The following MMAB variants were observed in gnomAD, a reference collection of about 807,000 sequenced individuals.
MMAB encodes metabolism of cobalamin associated B, also known as corrinoid adenosyltransferase MMAB.
In MMAB, 17 loss-of-function variants were observed where a neutral mutation model predicts 30.6. The ratio of observed to expected loss-of-function variants is 0.56; its 90% confidence interval spans 0.38 to 0.83. The LOEUF (loss-of-function observed/expected upper bound fraction) is 0.83, where lower values mean the gene tolerates loss of function less well. MMAB is among the 40% of genes least tolerant of loss of function. The pLI, the probability that MMAB is intolerant of heterozygous loss-of-function variation, is 0.00. For missense variants in MMAB, 311 were observed against 331.6 expected, an observed-to-expected ratio of 0.94 and a Z score of 0.48; for synonymous variants, 134 against 138.6, an observed-to-expected ratio of 0.97 and a Z score of 0.23.
chr12:109,569,697 G>A lies in MMAB; in HGVS notation c.197-834C>T, dbSNP rs1029249742. Among the ~76,000 whole-genome samples, 18 of 152,262 alleles carry A rather than the reference G, an allele frequency of 1.2e-4. No homozygotes were observed. Among genetic ancestry groups the A allele is most frequent in the South Asian group, 2.1e-4 (1 of 4,824 alleles). ...GCAGGCTTTGGGGTTGCCAGGTGCC[G>A]GCCTGGCACTCACAGGTAGACTGTG... is the stretch of plus-strand genomic sequence containing the variant. On this transcript the variant is annotated intron_variant, in intron 2 of 8. Transcript: ENST00000545712. This position sits in a 1 kb window ranked among gnomAD's most constrained non-coding sequence, Gnocchi z 4.1.
At chr12:109,571,549 G>A (rs1884626456) in intron 2 of MMAB, 100 bp downstream of exon 2, 2 of 1,130,242 alleles carry the variant, frequency 1.8e-6, no homozygotes, top group South Asian at 2.5e-5. Flanking sequence ...ACCGCGCCTG[G>A]TATATTATAC....
Position 109,565,167 on chromosome 12 carries a change from C to T in MMAB, c.300G>A (p.Leu100=), listed in dbSNP as rs1312153590. 1 of 1,613,740 alleles carries T rather than the reference C, an allele frequency of 6.2e-7. No homozygotes were observed. The highest frequency in any genetic ancestry group is 1.7e-5 in the Admixed American group (1 of 60,008). The change falls in exon 4 of 9, where the codon CTG becomes CTA. Residue 100 remains leucine, a synonymous_variant. Transcript: ENST00000545712. The stretch of plus-strand genomic sequence containing the variant: ...TATGGCCCTTTTCTGTGACTAATTC[C>T]AGAGCAAACCTATGAAGAAAAAGGA... The part of the protein sequence containing the change: ...DELSSAIGFA[L]ELVTEKGHTF...
At position 109,561,224 on chromosome 12, in the gene MMAB, C is replaced by T; in HGVS notation, c.520-120G>A. On this transcript the variant is annotated intron_variant, in intron 6 of 8. Coordinates refer to ENST00000545712, the MANE Select transcript of MMAB (RefSeq NM_052845.4). This position sits in a 1 kb window ranked among gnomAD's most constrained non-coding sequence, Gnocchi z 5.3. ...CGGGCAGTGTTCTGCCTCCAGGAGCCCTGCCACGGCACACCCACCGGGCAC... is the reference window on the plus strand; with the variant it reads ...CGGGCAGTGTTCTGCCTCCAGGAGCTCTGCCACGGCACACCCACCGGGCAC... The T allele has an allele frequency of 1.9e-6, 3 of 1,595,578 alleles. No individual in the cohort carries two copies. Among genetic ancestry groups the T allele is most frequent in the Non-Finnish European group, 2.5e-6 (3 of 1,178,060 alleles).
chr12:109,571,847 T>C (rs1394980213), intron 1 of MMAB, 137 bp from the exon 2 acceptor site: 1 of 738,310 alleles, frequency 1.4e-6, no homozygotes, highest in South Asian at 1.5e-5. Flanking sequence ...GGTCATCTCT[T>C]GTTGATTTCT....
rs1884046941 is a variant in MMAB at position 109,558,198 on chromosome 12, G to A, written c.644+898C>T. Among the ~76,000 whole-genome samples, 1 of 152,170 alleles carries A rather than the reference G, an allele frequency of 6.6e-6. No homozygotes were observed. Among genetic ancestry groups the A allele is most frequent in the East Asian group, 1.9e-4 (1 of 5,174 alleles). Reference sequence around the variant, plus strand: ...GGCCGCATGCTCCTGGAGGGCAGTGGTGTGCCTGTTGCTTGTTGGCTCTGT... The same window carrying A: ...GGCCGCATGCTCCTGGAGGGCAGTGATGTGCCTGTTGCTTGTTGGCTCTGT... On this transcript the variant is annotated intron_variant, in intron 8 of 8. Transcript: ENST00000545712. This position sits in a 1 kb window ranked among gnomAD's most constrained non-coding sequence, Gnocchi z 4.3.
At position 109,557,154 on chromosome 12, in the gene MMAB, G is replaced by C. The variant is rs1253074102; in HGVS notation, c.645-18C>G. The C allele has an allele frequency of 6.5e-7, 1 of 1,531,668 alleles. No homozygotes were observed. Among genetic ancestry groups the C allele is most frequent in the East Asian group, 2.2e-5 (1 of 44,514 alleles). The allele number at this position is 1,531,668 out of a possible 1,614,324, so 94.9% of individuals were successfully genotyped here. On this transcript the variant is annotated intron_variant, in intron 8 of 8. Transcript: ENST00000545712. Reference sequence around the variant, plus strand: ...CACTGAGTCTGGAGGGGCAGAGAGAGAGAAGCAAACAGAATGGTTTGAAAT... The same window carrying C: ...CACTGAGTCTGGAGGGGCAGAGAGACAGAAGCAAACAGAATGGTTTGAAAT...
intron 4 of MMAB, among the ~76,000 whole-genome samples, chr12:109,564,334 T>C (rs1172141879): frequency 1.3e-5 from 2 of 151,462 alleles, no homozygotes; most frequent in Non-Finnish European, 2.9e-5. Context: ...CACTCGCCTG[T>C]GAAGGAAGAT....
chr12:109,560,940 T>G, intron 7 of MMAB, 100 bp downstream of exon 7: 1 of 1,126,890 alleles, frequency 8.9e-7, no homozygotes. Context: ...GAGGCCCCTC[T>G]CCCTCTCCCC....
At chr12:109,566,486 C>T (rs552036809) in intron 3 of MMAB, among the ~76,000 whole-genome samples, 2 of 152,220 alleles carry the variant, frequency 1.3e-5, no homozygotes, top group Non-Finnish European at 2.9e-5. Context: ...TCCATCATAG[C>T]GGATGCCCCA....
chr12:109,555,975 C>A lies in MMAB; in HGVS notation c.*1053G>T. 6.6e-6 allele frequency: 3 copies of A among 454,022 alleles called. No individual in the cohort carries two copies. The highest frequency in any genetic ancestry group is 1.3e-5 in the Non-Finnish European group (3 of 226,732). 28.1% of individuals were successfully genotyped at this position (454,022 alleles called of 1,614,324 possible). Reference sequence around the variant, plus strand: ...GAATGGAGTTCGCCAGGCATTTCAGCCCTGAAACTGGACAAGAGCCTGCCC... The same window carrying A: ...GAATGGAGTTCGCCAGGCATTTCAGACCTGAAACTGGACAAGAGCCTGCCC... On this transcript the variant is annotated 3_prime_UTR_variant, in exon 9 of 9. Transcript: ENST00000545712.
chr12:109,568,043 A>G (rs1188521374), intron 3 of MMAB: 1 of 152,378 alleles, frequency 6.6e-6, no homozygotes, highest in Non-Finnish European at 1.5e-5. Context: ...GGGTAGTGGG[A>G]AAAGTTTTCA....
chr12:109,570,113 A>G, intron 2 of MMAB: 1 of 330,846 alleles, frequency 3.0e-6, no homozygotes, highest in South Asian at 2.2e-5. Flanking sequence ...AACAGAAAAA[A>G]TTAGTTGGGC....
intron 1 of MMAB, among the ~76,000 whole-genome samples, chr12:109,572,920 A>G (rs1394910710): frequency 6.6e-6 from 1 of 152,252 alleles, no homozygotes; most frequent in Non-Finnish European, 1.5e-5. Context: ...TCGAAGGTTA[A>G]TTTCCTGGAT....
intron 7 of MMAB, among the ~76,000 whole-genome samples, chr12:109,560,699 C>A (rs1884159295): frequency 6.6e-6 from 1 of 152,192 alleles, no homozygotes; most frequent in Admixed American, 6.5e-5. Context: ...GCAATAACTT[C>A]CTGCTGTTCT....
intron 3 of MMAB, among the ~76,000 whole-genome samples, chr12:109,567,491 C>A (rs1283217767): frequency 6.6e-6 from 1 of 152,188 alleles, no homozygotes; most frequent in East Asian, 1.9e-4. Context: ...CTCCCCCTGT[C>A]ACCAGCCTGT....
rs1331471428 is a variant in MMAB at position 109,572,551 on chromosome 12, C to T, written c.134+796G>A. Among the ~76,000 whole-genome samples, 8 of 151,974 alleles carry T rather than the reference C, an allele frequency of 5.3e-5. No homozygotes were observed. The South Asian group carries it at 1.2e-3, about 24-fold the overall frequency. On this transcript the variant is annotated intron_variant, in intron 1 of 8. Transcript: ENST00000545712. ...ACAGGCGTGAGCCACCGTATCTGGC[C>T]TATGATTATTTTGTTCACAGACAGG... is the stretch of plus-strand genomic sequence containing the variant.
chr12:109,565,358 T>C (rs534271859), intron 3 of MMAB, among the ~76,000 whole-genome samples, 182 bp from the exon 4 acceptor site: 10 of 152,344 alleles, frequency 6.6e-5, no homozygotes, highest in African/African-American at 2.4e-4. Flanking sequence ...GGTATTTGTT[T>C]CTTGAAATGC....
chr12:109,573,498 G>A lies in MMAB; in HGVS notation c.-18C>T, dbSNP rs369927328. ...ACAGCCATGAGCCAGGCTGCTTGAC[G>A]GGACCTGACCCCGCCAGGTTCCCGT... On this transcript the variant is annotated 5_prime_UTR_variant, in exon 1 of 9. Coordinates refer to ENST00000545712, the MANE Select transcript of MMAB (RefSeq NM_052845.4). 36 of 1,591,646 alleles carry A rather than the reference G, an allele frequency of 2.3e-5. No individual in the cohort carries two copies. The highest frequency in any genetic ancestry group is 2.8e-5 in the Non-Finnish European group (33 of 1,174,228).
At chr12:109,570,065 T>G (rs1320350008) in intron 2 of MMAB, 5 of 300,588 alleles carry the variant, frequency 1.7e-5, no homozygotes, top group Admixed American at 8.3e-5. Context: ...AGTTCGAGAC[T>G]AGCCTGGCCA....
Sources: allele counts gnomAD v4.1 joint callset (sites outside exome capture counted in the v4.1 genomes callset), GRCh38; gene constraint gnomAD v4.1.1; non-coding constraint Gnocchi (gnomAD v3.1); transcripts MANE v1.5; gene names NCBI Gene and HGNC (gene_info 2026-07-23, HGNC 2026-07-21).